AP4E1: variants seen among roughly 807,000 people sequenced by gnomAD.
AP4E1 encodes the protein adaptor related protein complex 4 subunit epsilon 1, also known as AP-4 complex subunit epsilon-1.
In AP4E1, 56 loss-of-function variants were observed where a neutral mutation model predicts 128.2. That is an observed-to-expected ratio of 0.44 (90% confidence interval 0.35 to 0.55). AP4E1 has a LOEUF of 0.55. Among genes scored for constraint, AP4E1 ranks in the 20% least tolerant of loss-of-function variants. The pLI is 0.00. For synonymous variants in AP4E1, 484 were observed against 473.1 expected, an observed-to-expected ratio of 1.02 and a Z score of -0.30; for missense variants, 1,324 against 1,307.7, an observed-to-expected ratio of 1.01 and a Z score of -0.19.
intron 16 of AP4E1, among the ~76,000 whole-genome samples, chr15:50,986,288 A>T (rs2064722553): frequency 6.6e-6 from 1 of 152,160 alleles, no homozygotes; most frequent in Admixed American, 6.6e-5. Context: ...TCCTGATTGA[A>T]TACCTTTTAT....
At chr15:50,918,605 C>T (rs1348362981) in intron 3 of AP4E1, among the ~76,000 whole-genome samples, 1 of 152,144 alleles carries the variant, frequency 6.6e-6, no homozygotes, top group East Asian at 1.9e-4. Flanking sequence ...TCTAGCCCCA[C>T]TACCCAGTCT....
intron 7 of AP4E1, 56 bp downstream of exon 7, chr15:50,931,027 G>C: frequency 6.3e-7 from 1 of 1,594,624 alleles, no homozygotes; most frequent in South Asian, 1.1e-5. Flanking sequence ...GATAAGCTTA[G>C]ACTTTAGTAA....
At chr15:50,967,461 C>T (rs2064408990) in intron 14 of AP4E1, among the ~76,000 whole-genome samples, 1 of 152,216 alleles carries the variant, frequency 6.6e-6, no homozygotes, top group African/African-American at 2.4e-5. Flanking sequence ...TTGGCAGTCT[C>T]TAAAAGCTGA....
intron 7 of AP4E1, among the ~76,000 whole-genome samples, chr15:50,933,304 C>T (rs2063859233): frequency 1.3e-5 from 2 of 152,048 alleles, no homozygotes; most frequent in South Asian, 4.1e-4. Flanking sequence ...CATTATTGCT[C>T]AATGTAGCAA....
intron 15 of AP4E1, among the ~76,000 whole-genome samples, chr15:50,982,209 A>T (rs186854979): frequency 1.6e-4 from 24 of 151,750 alleles, no homozygotes; most frequent in African/African-American, 5.1e-4. Flanking sequence ...TGCCAGTGCC[A>T]TGCTCTTGGA....
intron 10 of AP4E1, among the ~76,000 whole-genome samples, chr15:50,947,722 T>A: frequency 6.6e-6 from 1 of 152,304 alleles, no homozygotes; most frequent in East Asian, 1.9e-4. Flanking sequence ...AAAATATATA[T>A]CTATTGTATT....
chr15:50,958,500 G>A lies in AP4E1; in HGVS notation c.1557G>A (p.Gly519=), dbSNP rs555855057. 7 of 1,610,644 alleles carry A rather than the reference G, an allele frequency of 4.3e-6. No individual in the cohort carries two copies. In the African/African-American group the frequency reaches 6.7e-5, roughly 15 times the overall value. ...CTTTGTTTTATTTACAGGTATTAGG[G>A]GAATATTCCTACCTCTTAGATAAGG... is the stretch of plus-strand genomic sequence containing the variant. The part of the protein sequence containing the change: ...RFLQVMSWVL[G]EYSYLLDKET... The change falls in exon 14 of 21, where the codon GGG becomes GGA. Residue 519 remains glycine (G), a synonymous_variant. Coordinates refer to ENST00000261842, the MANE Select transcript of AP4E1 (RefSeq NM_007347.5).
chr15:50,962,337 C>G (rs1447891554), intron 14 of AP4E1, among the ~76,000 whole-genome samples: 1 of 152,058 alleles, frequency 6.6e-6, no homozygotes, highest in Non-Finnish European at 1.5e-5. Context: ...CTGGAGGCAT[C>G]ACACTACCCA....
At chr15:50,990,822 G>A (rs1567261441) in intron 16 of AP4E1, among the ~76,000 whole-genome samples, 1 of 152,170 alleles carries the variant, frequency 6.6e-6, no homozygotes, top group African/African-American at 2.4e-5. Context: ...GGCTCCTTTT[G>A]TACCTCCTGC....
intron 6 of AP4E1, 68 bp from the exon 7 acceptor site, chr15:50,930,737 A>T (rs1476111901): frequency 1.2e-5 from 18 of 1,493,124 alleles, no homozygotes; most frequent in Non-Finnish European, 1.5e-5. Context: ...TCTATATGAC[A>T]TTTCAATTAG....
intron 20 of AP4E1, 58 bp downstream of exon 20, chr15:51,001,241 A>T (rs904525898): frequency 6.8e-7 from 1 of 1,468,770 alleles, no homozygotes; most frequent in Non-Finnish European, 9.5e-7. Flanking sequence ...TATAATTGGA[A>T]CACAAATCAA....
At chr15:50,980,783 C>T (rs918815927) in intron 15 of AP4E1, among the ~76,000 whole-genome samples, 27 of 152,102 alleles carry the variant, frequency 1.8e-4, no homozygotes, top group African/African-American at 6.3e-4. Flanking sequence ...TGTGGTTGCT[C>T]CAGCCATTCA....
intron 1 of AP4E1, among the ~76,000 whole-genome samples, chr15:50,909,334 G>GT (rs1422023306): frequency 3.3e-5 from 5 of 152,196 alleles, no homozygotes; most frequent in East Asian, 3.9e-4. Flanking sequence ...CTTCCACAAA[G>GT]TTTTTTTTCC....
intron 10 of AP4E1, chr15:50,945,072 A>G (rs2064039594): frequency 2.6e-6 from 2 of 781,996 alleles, no homozygotes; most frequent in Admixed American, 1.7e-5. Context: ...ACAATGGAAA[A>G]TGGATGGGCC....
At chr15:50,923,728 A>G (rs2063735352) in intron 3 of AP4E1, among the ~76,000 whole-genome samples, 2 of 152,224 alleles carry the variant, frequency 1.3e-5, no homozygotes, top group Non-Finnish European at 1.5e-5. Flanking sequence ...ATATCCTATG[A>G]AATACATAAT....
intron 1 of AP4E1, among the ~76,000 whole-genome samples, chr15:50,910,187 A>G (rs2063547345): frequency 6.6e-6 from 1 of 152,102 alleles, no homozygotes; most frequent in Non-Finnish European, 1.5e-5. Context: ...GGATTTCACC[A>G]TGTTGGGCAG....
chr15:50,945,862 T>C, intron 10 of AP4E1: 1 of 853,594 alleles, frequency 1.2e-6, no homozygotes, highest in Non-Finnish European at 2.0e-6. Context: ...AAAATCTATC[T>C]ACAGCCAGAT....
At chr15:50,917,792 A>G (rs1482401334) in intron 3 of AP4E1, among the ~76,000 whole-genome samples, 3 of 152,126 alleles carry the variant, frequency 2.0e-5, no homozygotes, top group African/African-American at 7.3e-5. Flanking sequence ...GGACCGAAAC[A>G]AACAGAAATT....
chr15:50,920,438 T>G (rs1596457644), intron 3 of AP4E1, among the ~76,000 whole-genome samples: 1 of 123,360 alleles, frequency 8.1e-6, no homozygotes, highest in Admixed American at 9.5e-5. Context: ...TGAGACAGAG[T>G]CTCTGTCACC....
Sources: allele counts gnomAD v4.1 joint callset (sites outside exome capture counted in the v4.1 genomes callset), GRCh38; gene constraint gnomAD v4.1.1; transcripts MANE v1.5; gene names NCBI Gene and HGNC (gene_info 2026-07-23, HGNC 2026-07-21).